PLCZ1: variants seen among roughly 807,000 people sequenced by gnomAD.
The protein encoded by PLCZ1 is 1-phosphatidylinositol 4,5-bisphosphate phosphodiesterase zeta-1.
A neutral mutation model predicts 76.8 loss-of-function variants in PLCZ1; 64 were observed. The observed-to-expected ratio is 0.83, with a 90% CI of 0.68 to 1.03. The LOEUF (loss-of-function observed/expected upper bound fraction) is 1.03, where lower values mean the gene tolerates loss of function less well. Ranked by LOEUF, PLCZ1 falls within the 50% of genes least tolerant of loss-of-function variation. PLCZ1 has a pLI of 0.00. For synonymous variants in PLCZ1, 248 were observed against 230.8 expected (o/e 1.07, Z -0.68); for missense variants, 751 against 713.7 (o/e 1.05, Z -0.60).
intron 6 of PLCZ1, 113 bp downstream of exon 6, chr12:18,712,729 C>T (rs1957488070): frequency 3.0e-6 from 4 of 1,321,436 alleles, no homozygotes; most frequent in Non-Finnish European, 4.3e-6. Context: ...GGATCATAAC[C>T]CACAATTTGA....
chr12:18,703,000 C>A (rs1418600753), intron 7 of PLCZ1, among the ~76,000 whole-genome samples: 1 of 151,734 alleles, frequency 6.6e-6, no homozygotes, highest in Non-Finnish European at 1.5e-5. Context: ...TTGAAAAGCA[C>A]CTCCCTGCTT....
In PLCZ1 at chr12:18,737,383, C is replaced by G; in HGVS notation, c.-12G>C. The G allele has an allele frequency of 6.2e-7, 1 of 1,613,852 alleles. No individual in the cohort carries two copies. Among genetic ancestry groups the G allele is most frequent in the Non-Finnish European group, 8.5e-7 (1 of 1,179,782 alleles). On this transcript the variant is annotated 5_prime_UTR_variant, in exon 2 of 15. Transcript: ENST00000266505. ...TATCTCATTTCCATAGTTTCATGAC[C>G]TGTAGAGCCGTTTCTCCTCACTTAG... is the stretch of plus-strand genomic sequence containing the variant.
At chr12:18,705,396 T>C (rs1363398309) in intron 6 of PLCZ1, 81 bp from the exon 7 acceptor site, 4 of 1,526,216 alleles carry the variant, frequency 2.6e-6, no homozygotes, top group African/African-American at 1.4e-5. Context: ...GCTTAATGTA[T>C]TTTAAAACTT....
rs1565668076 is a variant in PLCZ1, at chr12:18,694,893, A to C, written c.1461+17T>G. 5 of 1,557,850 alleles carry C rather than the reference A, an allele frequency of 3.2e-6. No individual in the cohort carries two copies. Among genetic ancestry groups the C allele is most frequent in the Middle Eastern group, 4.6e-4 (2 of 4,382 alleles). On this transcript the variant is annotated intron_variant, in intron 12 of 14. Coordinates refer to ENST00000266505, the MANE Select transcript of PLCZ1 (RefSeq NM_033123.4). Reference sequence around the variant, plus strand: ...TATAATAACCAAAAAATGTAAAAGAAAATTTATTAATCTTACCCTTATTGT... The same window carrying C: ...TATAATAACCAAAAAATGTAAAAGACAATTTATTAATCTTACCCTTATTGT...
At chr12:18,695,530 G>C (rs1212983434) in intron 11 of PLCZ1, among the ~76,000 whole-genome samples, 5 of 152,090 alleles carry the variant, frequency 3.3e-5, no homozygotes, top group African/African-American at 1.2e-4. Context: ...CAATATGGAA[G>C]TACCTCAGTA....
chr12:18,680,743 C>T (rs184087120), downstream of PLCZ1, among the ~76,000 whole-genome samples: 1 of 151,968 alleles, frequency 6.6e-6, no homozygotes, highest in Admixed American at 6.6e-5. Context: ...ACATGGGAAG[C>T]CATAGGGCAT....
At chr12:18,685,725 A>G in intron 13 of PLCZ1, 1 of 487,924 alleles carries the variant, frequency 2.0e-6, no homozygotes, top group South Asian at 1.5e-5. Context: ...TAGATACTGC[A>G]AAACATCTGC....
chr12:18,722,805 G>A (rs1425021364), intron 4 of PLCZ1, among the ~76,000 whole-genome samples: 6 of 151,844 alleles, frequency 4.0e-5, no homozygotes, highest in Non-Finnish European at 5.9e-5. Flanking sequence ...ATATATTTAC[G>A]AAATGTTGTA....
intron 5 of PLCZ1, among the ~76,000 whole-genome samples, chr12:18,715,043 T>C (rs1185915640): frequency 6.6e-6 from 1 of 151,510 alleles, no homozygotes; most frequent in Non-Finnish European, 1.5e-5. Flanking sequence ...TCATATGCAG[T>C]CCCTTTCTAG....
the PLCZ1 span, among the ~76,000 whole-genome samples, chr12:18,661,937 T>C: frequency 6.6e-6 from 1 of 151,878 alleles, no homozygotes; most frequent in Admixed American, 6.6e-5. Context: ...TACACATCCA[T>C]AAAAAAAGAA....
At chr12:18,713,139 G>T (rs992617726) in intron 5 of PLCZ1, among the ~76,000 whole-genome samples, 153 bp from the exon 6 acceptor site, 1 of 152,072 alleles carries the variant, frequency 6.6e-6, no homozygotes, top group African/African-American at 2.4e-5. Flanking sequence ...GACAAGTTTT[G>T]AGTCTCTAGA....
intron 1 of PLCZ1, 190 bp downstream of exon 1, chr12:18,737,742 T>A (rs1212365232): frequency 2.5e-6 from 1 of 394,664 alleles, no homozygotes; most frequent in Non-Finnish European, 4.7e-6. Flanking sequence ...CTTTTATTTT[T>A]TACTACTTTG....
At chr12:18,692,457 G>A (rs1199182960) in intron 12 of PLCZ1, among the ~76,000 whole-genome samples, 4 of 152,130 alleles carry the variant, frequency 2.6e-5, no homozygotes, top group African/African-American at 9.7e-5. Context: ...AAAACGTTTT[G>A]AAAAGTCTTT....
intron 6 of PLCZ1, among the ~76,000 whole-genome samples, chr12:18,711,895 G>A (rs1008398794): frequency 4.6e-5 from 7 of 152,006 alleles, no homozygotes; most frequent in Non-Finnish European, 1.0e-4. Context: ...TACTCTCAAT[G>A]TTTTTATATT....
At chr12:18,719,298 A>C (rs1958295706) in intron 5 of PLCZ1, 133 bp downstream of exon 5, 1 of 475,174 alleles carries the variant, frequency 2.1e-6, no homozygotes, top group African/African-American at 2.0e-5. Flanking sequence ...ACAAGTAAAA[A>C]TTTCTATTCC....
the PLCZ1 span, among the ~76,000 whole-genome samples, chr12:18,673,581 T>C: frequency 6.6e-6 from 1 of 152,194 alleles, no homozygotes; most frequent in Non-Finnish European, 1.5e-5. Context: ...TTATCTATTG[T>C]TATGTAACAA....
chr12:18,704,809 T>C (rs1050507122), intron 7 of PLCZ1, among the ~76,000 whole-genome samples: 5 of 152,224 alleles, frequency 3.3e-5, no homozygotes, highest in African/African-American at 1.2e-4. Flanking sequence ...GCTGTTGAGA[T>C]ATTGGGTACT....
intron 12 of PLCZ1, chr12:18,692,874 G>C: frequency 6.2e-7 from 1 of 1,603,066 alleles, no homozygotes; most frequent in African/African-American, 1.3e-5. Flanking sequence ...ACCAACTACA[G>C]TGGGGAAAAA....
At chr12:18,648,064 C>T in the PLCZ1 span, 1 of 1,393,368 alleles carries the variant, frequency 7.2e-7, no homozygotes. Flanking sequence ...TCATTAACTA[C>T]TTGTATTTTT....
Sources: gnomAD v4.1 joint callset for allele counts (sites outside exome capture counted in the v4.1 genomes callset) on GRCh38, gnomAD v4.1.1 for gene constraint, MANE v1.5 for transcripts, NCBI Gene and HGNC (gene_info 2026-07-23, HGNC 2026-07-21) for gene names.